The following GCNT2 variants were observed in gnomAD, a reference collection of about 807,000 sequenced individuals.
GCNT2 encodes glucosaminyl (N-acetyl) transferase 2 (I blood group).
GCNT2 carries 34 observed loss-of-function variants against 34.2 expected under a neutral mutation model. The ratio of observed to expected loss-of-function variants is 1.00; its 90% confidence interval spans 0.76 to 1.32. The LOEUF (loss-of-function observed/expected upper bound fraction) is 1.32. GCNT2 is among the 40% of genes most tolerant of loss of function. The pLI is 0.00. For synonymous variants in GCNT2, 212 were observed against 188.0 expected, an observed-to-expected ratio of 1.13 and a Z score of -1.04; for missense variants, 584 against 489.4, an observed-to-expected ratio of 1.19 and a Z score of -1.82.
chr6:10,615,580 T>A (rs1424683401), intron 3 of GCNT2, among the ~76,000 whole-genome samples: 2 of 152,158 alleles, frequency 1.3e-5, no homozygotes, highest in Non-Finnish European at 2.9e-5. Flanking sequence ...AGGAAAGGGA[T>A]CCCGATCCAG....
chr6:10,611,399 C>T (rs1420589820), intron 3 of GCNT2, among the ~76,000 whole-genome samples: 7 of 149,712 alleles, frequency 4.7e-5, no homozygotes, highest in African/African-American at 1.7e-4. Flanking sequence ...GACGCGATCT[C>T]AGCTCACTGA....
At chr6:10,524,358 TCTC>T (rs1561773492) in intron 1 of GCNT2, among the ~76,000 whole-genome samples, 1 of 151,738 alleles carries the variant, frequency 6.6e-6, no homozygotes, top group Non-Finnish European at 1.5e-5. Flanking sequence ...TTCAAGCGAT[TCTC>T]CTGCCTCAGC....
chr6:10,621,392 C>T lies in GCNT2; in HGVS notation c.967C>T (p.Leu323Phe), dbSNP rs781118373. ...GCCAAATGCATCCTGGACTGGAAAC[C>T]TCAGAGCTATAAAGTGGAGTGACAT... ...SMPNASWTGNLRAIKWSDMED... is the reference protein window; with the variant it reads ...SMPNASWTGNFRAIKWSDMED... Residue 323 changes from leucine (L) to phenylalanine (F), a missense_variant, in exon 4 of 5, where the codon CTC becomes TTC. Leu to Phe is a conservative substitution (Grantham distance 22). Coordinates refer to ENST00000495262, the MANE Select transcript of GCNT2 (RefSeq NM_145649.5). The T allele has an allele frequency of 3.1e-6, 5 of 1,613,754 alleles. No homozygotes were observed. Among genetic ancestry groups the T allele is most frequent in the Non-Finnish European group, 4.2e-6 (5 of 1,179,684 alleles).
At chr6:10,601,254 TA>T in intron 3 of GCNT2, among the ~76,000 whole-genome samples, 1 of 152,356 alleles carries the variant, frequency 6.6e-6, no homozygotes, top group African/African-American at 2.4e-5. Context: ...GGCAATAAAC[TA>T]AAAGTAAGTA....
chr6:10,528,095 AG>A (rs1275602187), intron 2 of GCNT2, among the ~76,000 whole-genome samples: 8 of 152,346 alleles, frequency 5.3e-5, no homozygotes, highest in African/African-American at 1.4e-4. Flanking sequence ...TTTTAAAAAA[AG>A]AAGTTAGCCT....
chr6:10,596,289 C>T (rs955467550), intron 3 of GCNT2, among the ~76,000 whole-genome samples: 3 of 152,192 alleles, frequency 2.0e-5, no homozygotes, highest in South Asian at 4.2e-4. Context: ...TTTGGGAGGC[C>T]TAGGCGGGTG....
chr6:10,577,441 A>C (rs905668096), intron 3 of GCNT2, among the ~76,000 whole-genome samples: 8 of 152,234 alleles, frequency 5.3e-5, no homozygotes, highest in African/African-American at 1.9e-4. Flanking sequence ...TAGGTCACCG[A>C]GCAGTCTGCC....
intron 3 of GCNT2, among the ~76,000 whole-genome samples, chr6:10,564,854 C>T (rs1478978945): frequency 1.3e-5 from 2 of 152,126 alleles, no homozygotes; most frequent in Non-Finnish European, 2.9e-5. Context: ...GTGAATGAGA[C>T]ACATAAGGCC....
At chr6:10,586,110 G>T in intron 3 of GCNT2, 1 of 1,614,158 alleles carries the variant, frequency 6.2e-7, no homozygotes, top group Non-Finnish European at 8.5e-7. Flanking sequence ...CAGTTCCAGT[G>T]AAAGGTATTT....
intron 3 of GCNT2, among the ~76,000 whole-genome samples, chr6:10,533,965 C>T (rs144458262): frequency 2.6e-4 from 39 of 151,812 alleles, no homozygotes; most frequent in East Asian, 3.9e-4. Context: ...AGCACCGAGA[C>T]GTTGGCCGTC....
intron 3 of GCNT2, among the ~76,000 whole-genome samples, chr6:10,536,706 CTT>C (rs553671576): frequency 1.9e-4 from 25 of 130,294 alleles, no homozygotes; most frequent in Admixed American, 2.3e-4. Context: ...CTGTGAGTTC[CTT>C]TTTTTTTTTT....
At chr6:10,577,702 A>C (rs978000664) in intron 3 of GCNT2, among the ~76,000 whole-genome samples, 1 of 151,812 alleles carries the variant, frequency 6.6e-6, no homozygotes, top group African/African-American at 2.4e-5. Flanking sequence ...CACCATGCCC[A>C]GTTAATTTTT....
chr6:10,607,017 G>C (rs1264374619), intron 3 of GCNT2, among the ~76,000 whole-genome samples: 1 of 151,842 alleles, frequency 6.6e-6, no homozygotes, highest in African/African-American at 2.4e-5. Flanking sequence ...CGTGACCTCG[G>C]CTCACTGCAA....
intron 3 of GCNT2, among the ~76,000 whole-genome samples, chr6:10,579,996 A>AT (rs974486166): frequency 1.3e-5 from 2 of 152,058 alleles, no homozygotes; most frequent in Admixed American, 1.3e-4. Flanking sequence ...CCCTGTTCTA[A>AT]TTTGTGACTT....
At chr6:10,535,601 G>T (rs1761716821) in intron 3 of GCNT2, among the ~76,000 whole-genome samples, 1 of 152,138 alleles carries the variant, frequency 6.6e-6, no homozygotes, top group South Asian at 2.1e-4. Flanking sequence ...TATTCCATTG[G>T]TCATGTGTGC....
At chr6:10,573,264 T>G (rs1763637157) in intron 3 of GCNT2, 1 of 985,252 alleles carries the variant, frequency 1.0e-6, no homozygotes, top group Non-Finnish European at 1.2e-6. Flanking sequence ...GAAAAGTTGT[T>G]GTGCAGAAAG....
intron 3 of GCNT2, among the ~76,000 whole-genome samples, chr6:10,566,204 C>T (rs1763277617): frequency 6.6e-6 from 1 of 151,040 alleles, no homozygotes; most frequent in African/African-American, 2.4e-5. Context: ...TTTAATTCAG[C>T]TTAGAGTCAC....
intron 3 of GCNT2, among the ~76,000 whole-genome samples, chr6:10,604,382 C>T (rs1411962548): frequency 1.3e-5 from 2 of 151,922 alleles, no homozygotes; most frequent in African/African-American, 2.4e-5. Context: ...GGTAAATATG[C>T]CAAAATGCTA....
chr6:10,598,844 T>C (rs1764968411), intron 3 of GCNT2, among the ~76,000 whole-genome samples: 1 of 152,156 alleles, frequency 6.6e-6, no homozygotes, highest in Non-Finnish European at 1.5e-5. Flanking sequence ...AATTATGTTC[T>C]CTCTCTGATT....
Sources: allele counts gnomAD v4.1 joint callset (sites outside exome capture counted in the v4.1 genomes callset), GRCh38; gene constraint gnomAD v4.1.1; transcripts MANE v1.5; gene names NCBI Gene and HGNC (gene_info 2026-07-23, HGNC 2026-07-21).